PTGER3: variants seen among roughly 807,000 people sequenced by gnomAD.
PTGER3 encodes prostaglandin E2 receptor EP3 subtype.
PTGER3 carries 22 observed loss-of-function variants against 34.7 expected under a neutral mutation model. That is an observed-to-expected ratio of 0.63 (90% CI 0.45 to 0.91). The LOEUF is 0.91. Ranked by LOEUF, PTGER3 falls within the 40% of genes least tolerant of loss-of-function variation. The pLI, the probability that PTGER3 is intolerant of heterozygous loss-of-function variation, is 0.00. For synonymous variants in PTGER3, 241 were observed against 230.1 expected, an observed-to-expected ratio of 1.05 and a Z score of -0.43; for missense variants, 468 against 519.4, an observed-to-expected ratio of 0.90 and a Z score of 0.96.
chr1:70,995,166 T>C (rs1655822585), intron 2 of PTGER3, among the ~76,000 whole-genome samples: 1 of 152,152 alleles, frequency 6.6e-6, no homozygotes, highest in East Asian at 1.9e-4. Context: ...TGGGCTTTAA[T>C]GAATGAGCAG....
At chr1:70,996,738 A>G (rs2100794861) in intron 2 of PTGER3, among the ~76,000 whole-genome samples, 1 of 151,412 alleles carries the variant, frequency 6.6e-6, no homozygotes, top group East Asian at 2.0e-4. Flanking sequence ...ATCTCGGCTC[A>G]CTGCAAGCTC....
At position 71,047,746 on chromosome 1, in the gene PTGER3, G is replaced by T; in HGVS notation, c.-169C>A. Reference sequence around the variant, plus strand: ...ACTCCGCTGCTGGGACCGCGGCCGCGGCGGCGCCAGGGCTCACTGGCCCGG... The same window carrying T: ...ACTCCGCTGCTGGGACCGCGGCCGCTGCGGCGCCAGGGCTCACTGGCCCGG... On this transcript the variant is annotated 5_prime_UTR_variant, in exon 1 of 4. Transcript: ENST00000306666. 4 of 622,396 alleles carry T rather than the reference G, an allele frequency of 6.4e-6. No individual in the cohort carries two copies. In the Admixed American group the frequency reaches 1.8e-4, roughly 29 times the overall value. 38.6% of individuals were successfully genotyped at this position (622,396 alleles called of 1,614,324 possible). A position where few individuals can be genotyped will look rare whatever the true frequency, so the allele number is the denominator to read the frequency against.
At chr1:70,965,612 C>T (rs1354403241) in intron 2 of PTGER3, among the ~76,000 whole-genome samples, 4 of 152,114 alleles carry the variant, frequency 2.6e-5, no homozygotes, top group African/African-American at 9.7e-5. Context: ...GCTAATTTTA[C>T]TTGAATACCT....
intron 2 of PTGER3, among the ~76,000 whole-genome samples, chr1:70,983,991 C>T (rs1275595494): frequency 6.6e-6 from 1 of 152,132 alleles, no homozygotes; most frequent in Non-Finnish European, 1.5e-5. Context: ...GGAAGACGAA[C>T]GGTACACACA....
At position 71,047,425 on chromosome 1, in the gene PTGER3, G is replaced by C; in HGVS notation, c.153C>G (p.Ser51=). 6.2e-7 allele frequency: 1 copy of C among 1,611,638 alleles called. No individual in the cohort carries two copies. Among genetic ancestry groups the C allele is most frequent in the South Asian group, 1.1e-5 (1 of 90,478 alleles). ...PGSGEDCGSV[S]VAFPITMLLT... ...GCAGCATGGTGATCGGGAAGGCCAC[G>C]GACACCGATCCGCAATCCTCGCCAG... Residue 51 remains serine, a synonymous_variant, in exon 1 of 4, where the codon TCC becomes TCG. Coordinates refer to ENST00000306666, the MANE Select transcript of PTGER3 (RefSeq NM_198719.2).
chr1:70,891,105 C>G (rs558947049), intron 4 of PTGER3, among the ~76,000 whole-genome samples: 1 of 152,282 alleles, frequency 6.6e-6, no homozygotes, highest in East Asian at 1.9e-4. Flanking sequence ...AGTGGCACTC[C>G]TTTGGATTTC....
downstream of PTGER3, among the ~76,000 whole-genome samples, chr1:70,967,067 C>T (rs759095434): frequency 3.6e-4 from 55 of 151,882 alleles, no homozygotes; most frequent in Non-Finnish European, 7.1e-4. Flanking sequence ...TTTTTCTTAA[C>T]AGCAGTCATG....
intron 2 of PTGER3, chr1:71,008,676 A>G: frequency 1.0e-6 from 1 of 981,738 alleles, no homozygotes; most frequent in Non-Finnish European, 1.2e-6. Context: ...CTTATGGACT[A>G]GGCCACAGTT....
intron 2 of PTGER3, chr1:71,011,356 T>C: frequency 3.0e-6 from 3 of 985,256 alleles, no homozygotes; most frequent in Non-Finnish European, 3.6e-6. Flanking sequence ...TATTGGAATT[T>C]AAAGAGTCAA....
chr1:71,047,676 T>G lies in PTGER3; in HGVS notation c.-99A>C. 4 of 1,366,258 alleles carry G rather than the reference T, an allele frequency of 2.9e-6. No individual in the cohort carries two copies. The highest frequency in any genetic ancestry group is 3.9e-6 in the Non-Finnish European group (4 of 1,025,468). The allele number at this position is 1,366,258 out of a possible 1,614,324, so 84.6% of individuals were successfully genotyped here. On this transcript the variant is annotated 5_prime_UTR_variant, in exon 1 of 4. Coordinates refer to ENST00000306666, the MANE Select transcript of PTGER3 (RefSeq NM_198719.2). ...GGCGGAGGTCGGCGTTTACCGCGGC[T>G]GGGGCTGGGCTGCCCCCCATGGTGC...
chr1:71,034,540 G>A (rs1358106943), intron 1 of PTGER3, among the ~76,000 whole-genome samples: 3 of 152,208 alleles, frequency 2.0e-5, no homozygotes, highest in African/African-American at 7.2e-5. Flanking sequence ...AATAAAGTAT[G>A]TATGCAGTGA....
At chr1:71,041,803 T>C (rs967202940) in intron 1 of PTGER3, among the ~76,000 whole-genome samples, 1 of 152,182 alleles carries the variant, frequency 6.6e-6, no homozygotes, top group Non-Finnish European at 1.5e-5. Flanking sequence ...ACTGGCAGGT[T>C]GCAAAAATGT....
At chr1:70,858,784 G>T (rs1281372261) in intron 4 of PTGER3, among the ~76,000 whole-genome samples, 4 of 152,150 alleles carry the variant, frequency 2.6e-5, no homozygotes, top group Non-Finnish European at 5.9e-5. Flanking sequence ...TGGTTTTTCA[G>T]TAGTAAAATA....
intron 4 of PTGER3, among the ~76,000 whole-genome samples, chr1:70,861,908 G>C (rs1645936141): frequency 6.6e-6 from 1 of 151,752 alleles, no homozygotes; most frequent in Non-Finnish European, 1.5e-5. Flanking sequence ...ATAGCTTACT[G>C]TTTGGTCCCT....
intron 1 of PTGER3, among the ~76,000 whole-genome samples, chr1:71,012,925 A>ATAT (rs3044614): frequency 1.8e-4 from 27 of 150,514 alleles, no homozygotes; most frequent in South Asian, 6.4e-4. Context: ...AAAGGAGGAA[A>ATAT]TATTATTATT....
chr1:70,886,116 G>A (rs371405260), intron 4 of PTGER3, among the ~76,000 whole-genome samples: 2 of 152,296 alleles, frequency 1.3e-5, no homozygotes, highest in East Asian at 1.9e-4. Context: ...TGGAGATAGA[G>A]CTTTGGGAGA....
chr1:70,888,490 A>G (rs980593723), intron 4 of PTGER3, among the ~76,000 whole-genome samples: 1 of 151,936 alleles, frequency 6.6e-6, no homozygotes, highest in Admixed American at 6.5e-5. Context: ...ATCATTTCAC[A>G]TAGTTACCTT....
chr1:71,029,969 A>ACAAC (rs1659269960), intron 1 of PTGER3, among the ~76,000 whole-genome samples: 1 of 147,510 alleles, frequency 6.8e-6, no homozygotes, highest in African/African-American at 2.5e-5. Flanking sequence ...TAACAAAATA[A>ACAAC]GTAAATAAAT....
At chr1:70,985,424 T>C (rs1354694927) in intron 2 of PTGER3, among the ~76,000 whole-genome samples, 3 of 152,054 alleles carry the variant, frequency 2.0e-5, no homozygotes, top group East Asian at 3.9e-4. Context: ...GTAAGAGTCA[T>C]GATCAACTCA....
Sources: allele counts gnomAD v4.1 joint callset (sites outside exome capture counted in the v4.1 genomes callset), GRCh38; gene constraint gnomAD v4.1.1; transcripts MANE v1.5; gene names NCBI Gene and HGNC (gene_info 2026-07-23, HGNC 2026-07-21).